Variants in FUBP3 observed in about 807,000 individuals in gnomAD.
The protein encoded by FUBP3 is far upstream element binding protein 3, also known as far upstream element-binding protein 3.
In FUBP3, 28 loss-of-function variants were observed where a neutral mutation model predicts 85.6. The observed-to-expected ratio is 0.33, with a 90% CI of 0.24 to 0.45. The LOEUF is 0.45. FUBP3 is among the 20% of genes least tolerant of loss of function. The pLI is 1.00. For missense variants in FUBP3, 583 were observed against 755.1 expected (o/e 0.77, Z 2.67); for synonymous variants, 271 against 271.4 (o/e 1.00, Z 0.01).
chr9:130,614,748 C>G (rs1034614524), intron 6 of FUBP3, among the ~76,000 whole-genome samples: 1 of 152,154 alleles, frequency 6.6e-6, no homozygotes, highest in Non-Finnish European at 1.5e-5. Context: ...AGGCTGATCC[C>G]GTTACCCTTC....
At chr9:130,623,913 C>T (rs970582456) in intron 11 of FUBP3, among the ~76,000 whole-genome samples, 7 of 152,186 alleles carry the variant, frequency 4.6e-5, no homozygotes, top group African/African-American at 1.4e-4. Flanking sequence ...CCTTTATTTA[C>T]CTCACCATCT....
Position 130,630,717 on chromosome 9 carries a change from C to G in FUBP3, c.1207C>G (p.Arg403Gly). Reference protein sequence around the residue: ...NPPPNSDPNLRRFTIRGVPQQ... With the variant: ...NPPPNSDPNLGRFTIRGVPQQ... ...CCCTCCCAACAGCGACCCCAACCTGCGGAGATTCACCATCAGGGGGGTTCC... is the reference window on the plus strand; with the variant it reads ...CCCTCCCAACAGCGACCCCAACCTGGGGAGATTCACCATCAGGGGGGTTCC... The change falls in exon 13 of 19, where the codon CGG becomes GGG. Residue 403 changes from arginine to glycine, a missense_variant. Around this residue, in one of 3 missense-constraint regions of FUBP3, gnomAD observed 404 missense variants for 516.8 expected, o/e 0.78. Transcript: ENST00000319725. 6.3e-7 allele frequency: 1 copy of G among 1,585,828 alleles called. No homozygotes were observed. Among genetic ancestry groups the G allele is most frequent in the Non-Finnish European group, 8.6e-7 (1 of 1,168,008 alleles).
intron 3 of FUBP3, among the ~76,000 whole-genome samples, chr9:130,610,228 G>A (rs1831669613): frequency 6.6e-6 from 1 of 152,198 alleles, no homozygotes; most frequent in South Asian, 2.1e-4. Flanking sequence ...GTAGAAGATT[G>A]GAGTTGCTCT....
chr9:130,634,129 C>T (rs914545987), intron 16 of FUBP3, among the ~76,000 whole-genome samples: 1 of 152,162 alleles, frequency 6.6e-6, no homozygotes, highest in Admixed American at 6.5e-5. Flanking sequence ...AGGGTGAACC[C>T]AGGGTCCTGC....
rs1255495991 is a variant in FUBP3 at position 130,595,566 on chromosome 9, A to G, written c.168A>G (p.Gln56=). 1.9e-6 allele frequency: 3 copies of G among 1,548,048 alleles called. No homozygotes were observed. The highest frequency in any genetic ancestry group is 3.3e-5 in the Admixed American group (2 of 59,970). The change falls in exon 2 of 19, where the codon CAA becomes CAG. Residue 56 remains glutamine, a synonymous_variant. Transcript: ENST00000319725. ...VDPSVYGYGV[Q]KRPLDDGVGN... ...CCTCAGTATATGGATACGGAGTACA[A>G]AAACGGCCCTTGGATGATGGAGGTA...
At chr9:130,589,695 ATATATATATATTTT>A (rs1247121487) in intron 1 of FUBP3, among the ~76,000 whole-genome samples, 14 of 29,950 alleles carry the variant, frequency 4.7e-4, no homozygotes, top group African/African-American at 2.1e-3. Flanking sequence ...ATATATATAT[ATATATATATATTTT>A]TTTTTTTTTT....
intron 2 of FUBP3, among the ~76,000 whole-genome samples, chr9:130,603,516 A>C (rs1831270382): frequency 6.6e-6 from 1 of 152,148 alleles, no homozygotes; most frequent in African/African-American, 2.4e-5. Context: ...ATAATTCAGA[A>C]GTGAGATGAT....
At chr9:130,636,487 C>T (rs754306772) in intron 18 of FUBP3, among the ~76,000 whole-genome samples, 4 of 152,214 alleles carry the variant, frequency 2.6e-5, no homozygotes, top group South Asian at 4.1e-4. Flanking sequence ...TGCGCTCCGG[C>T]GACTGCTCTC....
Position 130,637,464 on chromosome 9 carries a change from G to T in FUBP3, c.*442G>T. 1 of 168,900 alleles carries T rather than the reference G, an allele frequency of 5.9e-6. No individual in the cohort carries two copies. The highest frequency in any genetic ancestry group is 1.3e-5 in the Non-Finnish European group (1 of 76,638). 10.5% of individuals were successfully genotyped at this position (168,900 alleles called of 1,614,324 possible). A position where few individuals can be genotyped will look rare whatever the true frequency, so the allele number is the denominator to read the frequency against. ...AAGCAGTATTTAAGTATTCTTAAAT[G>T]TGTAAATTCATTTAATGTTTTACTT... is the stretch of plus-strand genomic sequence containing the variant. On this transcript the variant is annotated 3_prime_UTR_variant, in exon 19 of 19. Coordinates refer to ENST00000319725, the MANE Select transcript of FUBP3 (RefSeq NM_003934.2).
chr9:130,583,491 G>A (rs762950575), intron 1 of FUBP3, among the ~76,000 whole-genome samples: 2 of 152,222 alleles, frequency 1.3e-5, no homozygotes, highest in African/African-American at 2.4e-5. Context: ...TCAGTCAAGT[G>A]TGCTGAACAC....
Position 130,612,897 on chromosome 9 carries a change from C to T in FUBP3, c.275-59C>T. ...AGTTTGTGGAATTAATTCAGTCATT[C>T]CTGCGTGGTGAAATATGGAATAGGG... On this transcript the variant is annotated intron_variant, in intron 4 of 18. Transcript: ENST00000319725. This position sits in a 1 kb window ranked among gnomAD's most constrained non-coding sequence, Gnocchi z 4.1. The T allele has an allele frequency of 8.9e-7, 1 of 1,126,574 alleles. No homozygotes were observed. Among genetic ancestry groups the T allele is most frequent in the Non-Finnish European group, 1.4e-6 (1 of 738,920 alleles). The allele number at this position is 1,126,574 out of a possible 1,614,324, so 69.8% of individuals were successfully genotyped here.
intron 2 of FUBP3, among the ~76,000 whole-genome samples, chr9:130,604,121 C>G (rs1831302866): frequency 6.6e-6 from 1 of 152,150 alleles, no homozygotes; most frequent in African/African-American, 2.4e-5. Context: ...TGCCGAGTGC[C>G]AGAAACCAAT....
At chr9:130,597,477 GC>G (rs1830930384) in intron 2 of FUBP3, among the ~76,000 whole-genome samples, 1 of 152,188 alleles carries the variant, frequency 6.6e-6, no homozygotes, top group African/African-American at 2.4e-5. Context: ...CAGAATTCCG[GC>G]CGCTTGGTCT....
chr9:130,604,063 A>G (rs1360238850), intron 2 of FUBP3, among the ~76,000 whole-genome samples: 1 of 152,200 alleles, frequency 6.6e-6, no homozygotes, highest in African/African-American at 2.4e-5. Context: ...GTAAAACGGA[A>G]CAAATGCTGA....
chr9:130,583,187 TG>T (rs1488418262), intron 1 of FUBP3, among the ~76,000 whole-genome samples: 1 of 152,206 alleles, frequency 6.6e-6, no homozygotes, highest in Non-Finnish European at 1.5e-5. Flanking sequence ...GCACCTATTT[TG>T]GGGAAATGTT....
At chr9:130,596,673 A>T (rs1830888134) in intron 2 of FUBP3, 1 of 454,544 alleles carries the variant, frequency 2.2e-6, no homozygotes, top group Non-Finnish European at 4.5e-6. Context: ...TACGTTTTTA[A>T]ATCCTCCAGT....
chr9:130,606,554 C>T (rs909245674), intron 2 of FUBP3, among the ~76,000 whole-genome samples: 23 of 152,162 alleles, frequency 1.5e-4, no homozygotes, highest in African/African-American at 4.1e-4. Context: ...GGCGCGGTGG[C>T]TCACGCCTGT....
At chr9:130,626,609 AG>A (rs11333376) in intron 12 of FUBP3, 104 bp downstream of exon 12, 205,458 of 1,203,804 alleles carry the variant, frequency 0.17, 19,426 homozygotes, top group African/African-American at 0.33. Flanking sequence ...TTGCTGCTGC[AG>A]GCTGGGGCTG....
chr9:130,626,821 C>CGACTGATTGGTAATTAACTCACCTCCAAG (rs1564221507), intron 12 of FUBP3, among the ~76,000 whole-genome samples: 1 of 152,150 alleles, frequency 6.6e-6, no homozygotes, highest in Non-Finnish European at 1.5e-5. Context: ...ATTTGTCAAT[C>CGACTGATTGGTAATTAACTCACCTCCAAG]GACTGATTGG....
Sources: gnomAD v4.1 joint callset for allele counts (sites outside exome capture counted in the v4.1 genomes callset) on GRCh38, gnomAD v4.1.1 for gene constraint, gnomAD v4.1.1 regional missense constraint, Gnocchi (gnomAD v3.1) non-coding constraint, MANE v1.5 for transcripts, NCBI Gene and HGNC (gene_info 2026-07-23, HGNC 2026-07-21) for gene names.